TRAF3IP1: variants seen among roughly 807,000 people sequenced by gnomAD.
TRAF3IP1 encodes the protein intraflagellar transport 54, also known as TRAF3-interacting protein 1.
TRAF3IP1 carries 53 observed loss-of-function variants against 89.9 expected under a neutral mutation model. The ratio of observed to expected loss-of-function variants is 0.59; its 90% confidence interval spans 0.47 to 0.74. TRAF3IP1 has a LOEUF of 0.74. Ranked by LOEUF, TRAF3IP1 falls within the 30% of genes least tolerant of loss-of-function variation. TRAF3IP1 has a pLI of 0.00. For missense variants in TRAF3IP1, 806 were observed against 866.1 expected (o/e 0.93, Z 0.87); for synonymous variants, 311 against 322.1 (o/e 0.97, Z 0.37).
chr2:238,357,551 G>A (rs1195663219), intron 15 of TRAF3IP1, among the ~76,000 whole-genome samples: 1 of 152,216 alleles, frequency 6.6e-6, no homozygotes, highest in Non-Finnish European at 1.5e-5. Flanking sequence ...ACAGTAGAGG[G>A]AGCCCTTTTA....
At position 238,348,655 on chromosome 2, in the gene TRAF3IP1, A is replaced by G; in HGVS notation, c.1283-109A>G. 3 of 935,180 alleles carry G rather than the reference A, an allele frequency of 3.2e-6. No individual in the cohort carries two copies. In the Admixed American group the frequency reaches 6.9e-5, roughly 21 times the overall value. 57.9% of individuals were successfully genotyped at this position (935,180 alleles called of 1,614,324 possible). A position where few individuals can be genotyped will look rare whatever the true frequency, so the allele number is the denominator to read the frequency against. Reference sequence around the variant, plus strand: ...TTGCTCATTTGTATTTGCAATTACAAATGTATTTGATTGCAAATAACTGCA... The same window carrying G: ...TTGCTCATTTGTATTTGCAATTACAGATGTATTTGATTGCAAATAACTGCA... On this transcript the variant is annotated intron_variant, in intron 10 of 16. Coordinates refer to ENST00000373327, the MANE Select transcript of TRAF3IP1 (RefSeq NM_015650.4).
chr2:238,360,605 CG>C (rs1238199435), intron 15 of TRAF3IP1, among the ~76,000 whole-genome samples: 1 of 151,708 alleles, frequency 6.6e-6, no homozygotes, highest in Non-Finnish European at 1.5e-5. Flanking sequence ...ATTTTTCAGC[CG>C]GGTGTGGTGG....
In TRAF3IP1 at chr2:238,397,591, C is replaced by T; in HGVS notation, c.1822C>T (p.Gln608Ter). 1 of 1,612,934 alleles carries T rather than the reference C, an allele frequency of 6.2e-7. No individual in the cohort carries two copies. Among genetic ancestry groups the T allele is most frequent in the Non-Finnish European group, 8.5e-7 (1 of 1,179,946 alleles). ...CCTGGGGAAGATCATGGACTACATC[C>T]AGGAAGACGTGGATGCCATGCAGAA... ...LPLGKIMDYIQEDVDAMQNEL... is the reference protein window; with the variant it reads ...LPLGKIMDYI Residue 608 changes from glutamine to a stop codon, truncating the protein, a stop_gained, in exon 16 of 17, where the codon CAG becomes TAG. Coordinates refer to ENST00000373327, the MANE Select transcript of TRAF3IP1 (RefSeq NM_015650.4). LOFTEE classifies it high-confidence loss of function.
At position 238,328,673 on chromosome 2, in the gene TRAF3IP1, T is replaced by A. The variant is rs1697958486; in HGVS notation, c.355-13T>A. ...TCACCTAACACCTCATTTCCTTCCA[T>A]TTGGACGACAAGCTCTCTAGTGACG... On this transcript the variant is annotated splice_polypyrimidine_tract_variant and intron_variant, in intron 3 of 16. Coordinates refer to ENST00000373327, the MANE Select transcript of TRAF3IP1 (RefSeq NM_015650.4). 6.2e-7 allele frequency: 1 copy of A among 1,610,426 alleles called. No homozygotes were observed. The highest frequency in any genetic ancestry group is 1.3e-5 in the African/African-American group (1 of 74,728).
chr2:238,384,777 A>C (rs1224349604), intron 15 of TRAF3IP1, among the ~76,000 whole-genome samples: 19 of 152,114 alleles, frequency 1.2e-4, no homozygotes, highest in Admixed American at 1.2e-3. Context: ...AAATTTGAAC[A>C]AAAGGTTAAG....
chr2:238,348,684 A>G, intron 10 of TRAF3IP1, 80 bp from the exon 11 acceptor site: 1 of 1,242,550 alleles, frequency 8.0e-7, no homozygotes, highest in Non-Finnish European at 1.2e-6. Flanking sequence ...AACTGCAAAT[A>G]CAGATGCAAA....
chr2:238,390,743 T>TA (rs1700961108), intron 15 of TRAF3IP1, among the ~76,000 whole-genome samples: 1 of 152,160 alleles, frequency 6.6e-6, no homozygotes, highest in Non-Finnish European at 1.5e-5. Flanking sequence ...ACCTGAAGGA[T>TA]AAATATTATT....
intron 15 of TRAF3IP1, among the ~76,000 whole-genome samples, chr2:238,357,334 C>T (rs2106333112): frequency 6.6e-6 from 1 of 152,188 alleles, no homozygotes; most frequent in South Asian, 2.1e-4. Flanking sequence ...ACAGAAGTTT[C>T]TTGGATATTT....
chr2:238,338,526 G>A, intron 8 of TRAF3IP1, 69 bp downstream of exon 8: 7 of 828,668 alleles, frequency 8.4e-6, no homozygotes, highest in Non-Finnish European at 1.3e-5. Context: ...TCTCAATGTA[G>A]TTATACATTG....
chr2:238,353,532 C>T (rs1699269985), intron 14 of TRAF3IP1, among the ~76,000 whole-genome samples: 1 of 152,154 alleles, frequency 6.6e-6, no homozygotes, highest in Non-Finnish European at 1.5e-5. Context: ...AGGCCCTTTG[C>T]AAGTCTAGTT....
At chr2:238,329,450 A>C (rs1204942509) in intron 5 of TRAF3IP1, 108 bp downstream of exon 5, 1 of 976,570 alleles carries the variant, frequency 1.0e-6, no homozygotes, top group African/African-American at 1.7e-5. Flanking sequence ...GTTTTCTTTT[A>C]TGCCTATTTA....
chr2:238,371,087 C>T (rs565546457), intron 15 of TRAF3IP1, among the ~76,000 whole-genome samples: 48 of 152,276 alleles, frequency 3.2e-4, no homozygotes, highest in Non-Finnish European at 5.0e-4. Context: ...GTGATAAGAA[C>T]GAAGTTTACT....
intron 15 of TRAF3IP1, among the ~76,000 whole-genome samples, chr2:238,358,727 C>A (rs180881516): frequency 6.6e-6 from 1 of 152,318 alleles, no homozygotes; most frequent in African/African-American, 2.4e-5. Flanking sequence ...ATGTTTCTCT[C>A]TCTCATGTTT....
At chr2:238,328,526 T>C (rs1476014662) in intron 3 of TRAF3IP1, among the ~76,000 whole-genome samples, 160 bp from the exon 4 acceptor site, 1 of 152,230 alleles carries the variant, frequency 6.6e-6, no homozygotes, top group East Asian at 1.9e-4. Context: ...CTGTGCTTTG[T>C]ATGTGATAAT....
At chr2:238,325,497 A>G in intron 2 of TRAF3IP1, 123 bp downstream of exon 2, 2 of 956,200 alleles carry the variant, frequency 2.1e-6, no homozygotes, top group South Asian at 1.4e-5. Flanking sequence ...AGGTCAGTGA[A>G]TTCGTAAATT....
At chr2:238,342,244 C>A (rs1022883458) in intron 8 of TRAF3IP1, among the ~76,000 whole-genome samples, 3 of 152,182 alleles carry the variant, frequency 2.0e-5, no homozygotes, top group Non-Finnish European at 4.4e-5. Flanking sequence ...CTGTCTGGGC[C>A]TCTCAAAGTG....
intron 8 of TRAF3IP1, among the ~76,000 whole-genome samples, chr2:238,338,758 T>C (rs1446433072): frequency 6.6e-6 from 1 of 152,266 alleles, no homozygotes; most frequent in Non-Finnish European, 1.5e-5. Flanking sequence ...GTGGTGTGGC[T>C]GATGACATAG....
chr2:238,350,673 C>T (rs1228831722), intron 12 of TRAF3IP1, among the ~76,000 whole-genome samples: 1 of 152,120 alleles, frequency 6.6e-6, no homozygotes, highest in African/African-American at 2.4e-5. Flanking sequence ...ACAGTCTCCA[C>T]CACAAAGGAG....
chr2:238,331,807 A>T (rs1468386436), intron 5 of TRAF3IP1, among the ~76,000 whole-genome samples: 1 of 152,182 alleles, frequency 6.6e-6, no homozygotes, highest in Non-Finnish European at 1.5e-5. Flanking sequence ...GTTCCCAGGG[A>T]CCTTACTCAC....
Sources: allele counts gnomAD v4.1 joint callset (sites outside exome capture counted in the v4.1 genomes callset), GRCh38; gene constraint gnomAD v4.1.1; transcripts MANE v1.5; gene names NCBI Gene and HGNC (gene_info 2026-07-23, HGNC 2026-07-21).